The following MALRD1 variants were observed in gnomAD, a reference collection of about 807,000 sequenced individuals.
MALRD1 encodes the protein MAM and LDL-receptor class A domain-containing protein 1.
Under a neutral mutation model 242.1 loss-of-function variants are expected in MALRD1, and 247 were observed. The observed-to-expected ratio is 1.02, with a 90% CI of 0.92 to 1.13. The LOEUF is 1.13. Among genes scored for constraint, MALRD1 ranks in the 50% most tolerant of loss-of-function variants. The probability of loss-of-function intolerance (pLI) is 0.00; values close to 1 mark genes in which losing one functional copy is unlikely to be tolerated. For missense variants in MALRD1, 2,989 were observed against 2,533.1 expected (o/e 1.18, Z -3.86); for synonymous variants, 995 against 866.6 (o/e 1.15, Z -2.60).
chr10:19,652,681 C>G (rs1840951875), intron 36 of MALRD1, among the ~76,000 whole-genome samples: 1 of 152,144 alleles, frequency 6.6e-6, no homozygotes, highest in South Asian at 2.1e-4. Flanking sequence ...CACCTAAGAA[C>G]TACCAGCTTA....
chr10:19,409,048 T>A (rs1418727507), intron 28 of MALRD1, among the ~76,000 whole-genome samples: 1 of 152,252 alleles, frequency 6.6e-6, no homozygotes, highest in African/African-American at 2.4e-5. Flanking sequence ...AGCAACAACA[T>A]TCTTTGTAAC....
chr10:19,586,590 T>C (rs1250196626), intron 33 of MALRD1, among the ~76,000 whole-genome samples: 2 of 152,174 alleles, frequency 1.3e-5, no homozygotes, highest in Non-Finnish European at 2.9e-5. Flanking sequence ...CGTTCTCAGA[T>C]CTCTAGCTGT....
At chr10:19,251,360 C>A (rs1839284710) in intron 18 of MALRD1, among the ~76,000 whole-genome samples, 4 of 151,936 alleles carry the variant, frequency 2.6e-5, no homozygotes, top group Admixed American at 6.6e-5. Flanking sequence ...GCTCTTCTTG[C>A]CACCTCTCTT....
At chr10:19,086,209 G>A (rs981840003) in intron 2 of MALRD1, among the ~76,000 whole-genome samples, 2 of 152,070 alleles carry the variant, frequency 1.3e-5, no homozygotes, top group South Asian at 2.1e-4. Flanking sequence ...ATGCAATTTT[G>A]GAATAGGAGT....
At chr10:19,142,614 C>A (rs758629604) in intron 10 of MALRD1, among the ~76,000 whole-genome samples, 4 of 152,042 alleles carry the variant, frequency 2.6e-5, no homozygotes, top group Non-Finnish European at 5.9e-5. Context: ...TCTCATACTG[C>A]GCTTAGAGAT....
At chr10:19,460,739 A>G (rs1835898061) in intron 29 of MALRD1, among the ~76,000 whole-genome samples, 1 of 152,198 alleles carries the variant, frequency 6.6e-6, no homozygotes, top group Non-Finnish European at 1.5e-5. Flanking sequence ...AACATAGTAT[A>G]AAATGTTTAA....
intron 32 of MALRD1, among the ~76,000 whole-genome samples, chr10:19,561,372 C>T (rs1835954498): frequency 1.3e-5 from 2 of 152,178 alleles, no homozygotes; most frequent in South Asian, 2.1e-4. Flanking sequence ...CAACTACTGC[C>T]TGACTGGTTT....
intron 12 of MALRD1, among the ~76,000 whole-genome samples, chr10:19,155,702 T>C (rs1373831135): frequency 6.6e-6 from 1 of 152,164 alleles, no homozygotes; most frequent in African/African-American, 2.4e-5. Context: ...CTCAGACAAA[T>C]TGTATATTCC....
rs144150578 is a variant in MALRD1 at position 19,156,522 on chromosome 10, T to C, written c.1656+1350T>C. ...GCACTTATTCTTTGAAAGTACAAGCTAACTTAGATTTAATTCAAGGTCATA... is the reference window on the plus strand; with the variant it reads ...GCACTTATTCTTTGAAAGTACAAGCCAACTTAGATTTAATTCAAGGTCATA... On this transcript the variant is annotated intron_variant, in intron 12 of 39. Transcript: ENST00000454679. Among the ~76,000 whole-genome samples, 591 of 149,780 alleles carry C rather than the reference T, an allele frequency of 3.9e-3. 2 individuals are homozygous for C. The highest frequency in any genetic ancestry group is 0.014 in the African/African-American group (555 of 40,820).
chr10:19,454,405 G>GATAAATATATAT (rs1554775337), intron 29 of MALRD1, among the ~76,000 whole-genome samples: 1 of 80,558 alleles, frequency 1.2e-5, no homozygotes, highest in Non-Finnish European at 2.4e-5. Context: ...TTATGCATAT[G>GATAAATATATAT]ATATATATAT....
At chr10:19,207,868 T>G (rs796134485) in intron 17 of MALRD1, among the ~76,000 whole-genome samples, 16 of 152,268 alleles carry the variant, frequency 1.1e-4, no homozygotes, top group Non-Finnish European at 2.1e-4. Flanking sequence ...ATAGAACAAT[T>G]ATAACAATAT....
At chr10:19,071,108 C>A (rs1835133780) in intron 2 of MALRD1, among the ~76,000 whole-genome samples, 1 of 151,930 alleles carries the variant, frequency 6.6e-6, no homozygotes, top group Non-Finnish European at 1.5e-5. Context: ...GCCTCAGCAT[C>A]CCAAAGTGGT....
rs779322269 is a variant in MALRD1, at chr10:19,489,008, C to T, written c.5030-2509C>T. 8.8e-6 allele frequency: 4 copies of T among 456,028 alleles called. No individual in the cohort carries two copies. In the Middle Eastern group the frequency reaches 1.3e-3, roughly 149 times the overall value. The allele number at this position is 456,028 out of a possible 1,614,324, so 28.2% of individuals were successfully genotyped here. On this transcript the variant is annotated intron_variant, in intron 29 of 39. Transcript: ENST00000454679. ...TCCCAATCCGGTTCTATCCGGTTCT[C>T]CCACCATCCCCCGCCAGGGGTCTCA...
intron 21 of MALRD1, among the ~76,000 whole-genome samples, chr10:19,323,630 C>T (rs185570047): frequency 5.3e-4 from 80 of 152,238 alleles, no homozygotes; most frequent in East Asian, 1.9e-3. Flanking sequence ...CTTTTTGAGA[C>T]GGAGTTTCGC....
chr10:19,153,795 A>G (rs1278021496), intron 11 of MALRD1, among the ~76,000 whole-genome samples: 2 of 152,066 alleles, frequency 1.3e-5, no homozygotes, highest in African/African-American at 4.8e-5. Context: ...TTGTTGTCTA[A>G]ACGATTTATT....
Position 19,389,433 on chromosome 10 carries a change from A to G in MALRD1, c.4688-19A>G, listed in dbSNP as rs769179095. 4.5e-6 allele frequency: 7 copies of G among 1,548,806 alleles called. No homozygotes were observed. The South Asian group carries it at 6.0e-5, about 13-fold the overall frequency. ...TCATTGTTATTTCGTTCTTCTCTGAATTCTGTCCTTGTTCCTAGGGCACTT... is the reference window on the plus strand; with the variant it reads ...TCATTGTTATTTCGTTCTTCTCTGAGTTCTGTCCTTGTTCCTAGGGCACTT... On this transcript the variant is annotated intron_variant, in intron 27 of 39. Coordinates refer to ENST00000454679, the MANE Select transcript of MALRD1 (RefSeq NM_001142308.3).
chr10:19,584,165 C>T (rs1234428838), intron 33 of MALRD1, among the ~76,000 whole-genome samples: 5 of 151,348 alleles, frequency 3.3e-5, no homozygotes, highest in Admixed American at 2.0e-4. Context: ...TTGATCCTTT[C>T]AAAAAACCAG....
At chr10:19,096,220 A>G (rs1232525404) in intron 4 of MALRD1, among the ~76,000 whole-genome samples, 1 of 152,140 alleles carries the variant, frequency 6.6e-6, no homozygotes, top group African/African-American at 2.4e-5. Context: ...CAAGTGATAC[A>G]TCCTGAGTTC....
At chr10:19,592,474 C>T (rs1279481226) in intron 33 of MALRD1, among the ~76,000 whole-genome samples, 1 of 152,202 alleles carries the variant, frequency 6.6e-6, no homozygotes, top group East Asian at 1.9e-4. Flanking sequence ...CCTGACTCAA[C>T]CATGAGCTGT....
Sources: allele counts gnomAD v4.1 joint callset (sites outside exome capture counted in the v4.1 genomes callset), GRCh38; gene constraint gnomAD v4.1.1; transcripts MANE v1.5; gene names NCBI Gene and HGNC (gene_info 2026-07-23, HGNC 2026-07-21).